Variants in FLRT1 observed in about 807,000 individuals in gnomAD.
The protein encoded by FLRT1 is fibronectin leucine rich transmembrane protein 1.
In FLRT1, 14 loss-of-function variants were observed where a neutral mutation model predicts 30.9. The observed-to-expected ratio is 0.45, with a 90% confidence interval of 0.30 to 0.71. The LOEUF is 0.71. Among genes scored for constraint, FLRT1 ranks in the 30% least tolerant of loss-of-function variants. The pLI is 0.08. For synonymous variants in FLRT1, 368 were observed against 430.4 expected (o/e 0.85, Z 1.80); for missense variants, 737 against 949.2 (o/e 0.78, Z 2.94).
intron 1 of FLRT1, among the ~76,000 whole-genome samples, chr11:64,079,687 T>C (rs1944271107): frequency 6.6e-6 from 1 of 151,530 alleles, no homozygotes; most frequent in Non-Finnish European, 1.5e-5. Context: ...GGAGGTGTGG[T>C]TGGGGAAAGG....
intron 1 of FLRT1, among the ~76,000 whole-genome samples, chr11:64,049,918 C>T (rs1383937569): frequency 6.6e-6 from 1 of 152,188 alleles, no homozygotes; most frequent in Admixed American, 6.5e-5. Context: ...ACGCTGTGGC[C>T]CCGGGGGGGA....
chr11:64,074,111 CAAAG>C (rs1423605063), intron 1 of FLRT1, among the ~76,000 whole-genome samples: 1 of 152,322 alleles, frequency 6.6e-6, no homozygotes, highest in Non-Finnish European at 1.5e-5. Flanking sequence ...TGCCTCCTCT[CAAAG>C]AAAGAGTCAT....
At chr11:64,053,793 G>A (rs1244434063) in intron 1 of FLRT1, among the ~76,000 whole-genome samples, 3 of 152,142 alleles carry the variant, frequency 2.0e-5, no homozygotes, top group East Asian at 3.8e-4. Flanking sequence ...GCCCTATAGC[G>A]GCATCCCGAG....
chr11:64,047,299 C>T (rs1334189572), intron 1 of FLRT1, among the ~76,000 whole-genome samples: 4 of 152,136 alleles, frequency 2.6e-5, no homozygotes, highest in Non-Finnish European at 5.9e-5. Flanking sequence ...CTTTGTACAA[C>T]AGCCCTGGGA....
At chr11:64,051,737 G>A (rs1337559195) in intron 1 of FLRT1, among the ~76,000 whole-genome samples, 1 of 152,190 alleles carries the variant, frequency 6.6e-6, no homozygotes, top group Non-Finnish European at 1.5e-5. Flanking sequence ...GGTTTGGCCA[G>A]ATAGCCCTGC....
At chr11:64,086,061 A>G (rs1944388426) in intron 1 of FLRT1, among the ~76,000 whole-genome samples, 1 of 152,088 alleles carries the variant, frequency 6.6e-6, no homozygotes, top group Non-Finnish European at 1.5e-5. Flanking sequence ...CTCCCTCCCT[A>G]TGGAGCCCTG....
intron 1 of FLRT1, among the ~76,000 whole-genome samples, chr11:64,058,567 G>T (rs1943836124): frequency 6.6e-6 from 1 of 152,282 alleles, no homozygotes; most frequent in East Asian, 1.9e-4. Flanking sequence ...GGACACTGAA[G>T]AGGGGGTGGT....
At chr11:64,088,892 C>T (rs12223886) in intron 1 of FLRT1, among the ~76,000 whole-genome samples, 14 of 152,116 alleles carry the variant, frequency 9.2e-5, no homozygotes, top group African/African-American at 1.9e-4. Flanking sequence ...ATTGAAGGTG[C>T]GGTTCACAAA....
intron 2 of FLRT1, among the ~76,000 whole-genome samples, chr11:64,113,272 T>C (rs1565238349): frequency 1.3e-5 from 2 of 152,244 alleles, no homozygotes; most frequent in Admixed American, 1.3e-4. Context: ...TAGTGTGAAC[T>C]ATCATCCATC....
chr11:64,056,306 A>G (rs1481521266), intron 1 of FLRT1, among the ~76,000 whole-genome samples: 2 of 151,894 alleles, frequency 1.3e-5, no homozygotes, highest in East Asian at 3.9e-4. Context: ...CAGCCCCTAC[A>G]CGTTTTGCTT....
At chr11:64,058,068 G>A (rs757964461) in intron 1 of FLRT1, among the ~76,000 whole-genome samples, 4 of 152,238 alleles carry the variant, frequency 2.6e-5, no homozygotes, top group Non-Finnish European at 5.9e-5. Flanking sequence ...ACTGGGCTGC[G>A]CTAGGAACAA....
At chr11:64,056,848 C>T (rs1251407709) in intron 1 of FLRT1, among the ~76,000 whole-genome samples, 3 of 151,856 alleles carry the variant, frequency 2.0e-5, no homozygotes, top group Non-Finnish European at 4.4e-5. Flanking sequence ...CTCCACTCTG[C>T]CTTCTAAACT....
At chr11:64,040,607 A>G (rs538220052) in intron 1 of FLRT1, among the ~76,000 whole-genome samples, 2 of 152,178 alleles carry the variant, frequency 1.3e-5, no homozygotes, top group Non-Finnish European at 2.9e-5. Context: ...CTGTGTGTTC[A>G]CCTGCGTAGA....
chr11:64,076,273 C>T (rs143456768), intron 1 of FLRT1, among the ~76,000 whole-genome samples: 13 of 152,332 alleles, frequency 8.5e-5, no homozygotes, highest in Non-Finnish European at 1.9e-4. Context: ...CCCCCATGAC[C>T]CTCCACTGCA....
intron 1 of FLRT1, among the ~76,000 whole-genome samples, chr11:64,041,562 C>T (rs527280381): frequency 2.6e-5 from 4 of 151,498 alleles, no homozygotes; most frequent in South Asian, 4.2e-4. Context: ...GGTGGGGCTT[C>T]GTGTAGGGCA....
chr11:64,088,652 T>C (rs914243235), intron 1 of FLRT1, among the ~76,000 whole-genome samples: 4 of 152,142 alleles, frequency 2.6e-5, no homozygotes, highest in African/African-American at 9.7e-5. Context: ...CCCTTATTGG[T>C]TGTGTGACCC....
chr11:64,115,549 G>C (rs1276649365), intron 2 of FLRT1, among the ~76,000 whole-genome samples: 1 of 152,212 alleles, frequency 6.6e-6, no homozygotes, highest in African/African-American at 2.4e-5. Context: ...TCTTCTGTCT[G>C]TAGAATGTAC....
intron 1 of FLRT1, among the ~76,000 whole-genome samples, chr11:64,052,023 G>A (rs1943705113): frequency 6.6e-6 from 1 of 151,696 alleles, no homozygotes; most frequent in Admixed American, 6.6e-5. Context: ...GCTTGCTAAT[G>A]AACTTGGCTG....
chr11:64,083,432 C>T (rs1944337397), intron 1 of FLRT1, among the ~76,000 whole-genome samples: 1 of 152,150 alleles, frequency 6.6e-6, no homozygotes, highest in African/African-American at 2.4e-5. Flanking sequence ...CTGGGCAACA[C>T]AGTGAGACTC....
Sources: gnomAD v4.1 joint callset for allele counts (sites outside exome capture counted in the v4.1 genomes callset) on GRCh38, gnomAD v4.1.1 for gene constraint, MANE v1.5 for transcripts, NCBI Gene and HGNC (gene_info 2026-07-23, HGNC 2026-07-21) for gene names.